ZNF469: variants seen among roughly 807,000 people sequenced by gnomAD.
ZNF469 encodes the protein zinc finger protein 469.
A neutral mutation model predicts 1.0 loss-of-function variants in ZNF469; 1 was observed. The observed-to-expected ratio is 1.00, with a 90% confidence interval of 0.35 to 4.73. ZNF469 has a LOEUF of 4.73. Among genes scored for constraint, ZNF469 ranks in the 30% most tolerant of loss-of-function variants. The probability of loss-of-function intolerance (pLI) is 0.16; values close to 1 mark genes in which losing one functional copy is unlikely to be tolerated. For synonymous variants in ZNF469, 2,703 were observed against 2,363.4 expected (o/e 1.14, Z -4.17); for missense variants, 6,100 against 5,356.3 (o/e 1.14, Z -4.33).
the ZNF469 span, among the ~76,000 whole-genome samples, chr16:88,116,496 AC>A: frequency 1.3e-5 from 2 of 152,066 alleles, no homozygotes; most frequent in South Asian, 4.1e-4. Flanking sequence ...CCACAATGAC[AC>A]TCTTGGGGCG....
At chr16:88,189,686 G>A in the ZNF469 span, among the ~76,000 whole-genome samples, 45 of 152,342 alleles carry the variant, frequency 3.0e-4, no homozygotes, top group African/African-American at 9.1e-4. The surrounding 1 kb of genome is among the most constrained non-coding windows in gnomAD (Gnocchi z 4.3). Context: ...TTGGGAGGCC[G>A]AGGTGGGTGG....
intron 1 of ZNF469, among the ~76,000 whole-genome samples, chr16:88,390,621 G>A (rs1366618085): frequency 2.6e-5 from 4 of 152,320 alleles, no homozygotes; most frequent in South Asian, 2.1e-4. Flanking sequence ...AAGCAGGGAC[G>A]GCCACAGTGC....
chr16:88,101,488 A>G, the ZNF469 span, among the ~76,000 whole-genome samples: 2 of 151,054 alleles, frequency 1.3e-5, no homozygotes, highest in South Asian at 2.1e-4. Flanking sequence ...GGGTTGGGAT[A>G]TGCTGTGGAC....
chr16:88,380,337 A>G (rs2092517990), upstream of ZNF469, among the ~76,000 whole-genome samples: 1 of 66,260 alleles, frequency 1.5e-5, no homozygotes, highest in South Asian at 6.1e-4. Flanking sequence ...GCACTCACAC[A>G]TGCGCTCACA....
At chr16:88,354,942 G>A in the ZNF469 span, among the ~76,000 whole-genome samples, 1 of 152,196 alleles carries the variant, frequency 6.6e-6, no homozygotes, top group Non-Finnish European at 1.5e-5. Context: ...GGGGCAGGGG[G>A]CTGAGAAGAG....
Position 88,424,988 on chromosome 16 carries a change from C to T in ZNF469, c.-127+117C>T, listed in dbSNP as rs925827732. Among the ~76,000 whole-genome samples the T allele has an allele frequency of 1.5e-4, 23 of 152,192 alleles. No individual in the cohort carries two copies. Among genetic ancestry groups the T allele is most frequent in the African/African-American group, 4.3e-4 (18 of 41,524 alleles). On this transcript the variant is annotated intron_variant, in intron 2 of 2. Coordinates refer to ENST00000565624, the MANE Select transcript of ZNF469 (RefSeq NM_001367624.2). The surrounding 1 kb of genome is among the most constrained non-coding windows in gnomAD (Gnocchi z 4.3). ...TTCCTCTCCCTCTCAGGACAGTAACCGGGCCTGCCTACTGCCTCCCGAGAG... is the reference window on the plus strand; with the variant it reads ...TTCCTCTCCCTCTCAGGACAGTAACTGGGCCTGCCTACTGCCTCCCGAGAG...
Position 88,438,162 on chromosome 16 carries a change from T to G in ZNF469, c.10692T>G (p.Asp3564Glu). The G allele has an allele frequency of 6.5e-7, 1 of 1,550,094 alleles. No individual in the cohort carries two copies. The highest frequency in any genetic ancestry group is 1.4e-5 in the African/African-American group (1 of 73,172). ...CTCCCTTCCCAGCTGCCTTGGCTGA[T>G]GGCAGAGGAGACTGCGCGCTGGACG... The part of the protein sequence containing the change: ...SLSPFPAALA[D>E]GRGDCALDGA... Residue 3564 changes from aspartate (D) to glutamate (E), a missense_variant, in exon 3 of 3, where the codon GAT (aspartate) becomes GAG (glutamate). By Grantham distance (45) the Asp-to-Glu change is conservative (BLOSUM62 2). Coordinates refer to ENST00000565624, the MANE Select transcript of ZNF469 (RefSeq NM_001367624.2).
rs758477114 is a variant in ZNF469, at chr16:88,429,876, C to T, written c.2406C>T (p.Asp802=). 4.5e-6 allele frequency: 7 copies of T among 1,550,038 alleles called. No individual in the cohort carries two copies. In the Admixed American group the frequency reaches 5.9e-5, roughly 13 times the overall value. The change falls in exon 3 of 3, where the codon GAC becomes GAT. Residue 802 remains aspartate (D), a synonymous_variant. Transcript: ENST00000565624. ...CGAAGACCTTCCTGTTAGCTGGGGA[C>T]GCCCAGGCCGAGGGCAAAGACGACC... The part of the protein sequence containing the change: ...SHAKTFLLAG[D]AQAEGKDDPL...
At chr16:88,420,866 C>T (rs565983095) in intron 1 of ZNF469, among the ~76,000 whole-genome samples, 110 of 152,296 alleles carry the variant, frequency 7.2e-4, no homozygotes, top group African/African-American at 2.5e-3. Context: ...TCAAGGAGTG[C>T]GGGATCTGAG....
At chr16:88,103,474 A>T in the ZNF469 span, among the ~76,000 whole-genome samples, 45 of 152,234 alleles carry the variant, frequency 3.0e-4, no homozygotes, top group African/African-American at 1.1e-3. Flanking sequence ...CGGCGTGAAG[A>T]CCCGGTGCTG....
the ZNF469 span, among the ~76,000 whole-genome samples, chr16:88,284,968 A>G: frequency 3.3e-5 from 5 of 152,244 alleles, no homozygotes; most frequent in Non-Finnish European, 5.9e-5. Context: ...TTATTTCCCA[A>G]CAGAGATCAT....
the ZNF469 span, among the ~76,000 whole-genome samples, chr16:88,309,481 G>A: frequency 6.5e-5 from 9 of 138,884 alleles, no homozygotes; most frequent in Non-Finnish European, 1.2e-4. Context: ...GTCCCCTCTC[G>A]GTGTTCAGGA....
the ZNF469 span, among the ~76,000 whole-genome samples, chr16:88,316,246 G>T: frequency 6.6e-6 from 1 of 152,228 alleles, no homozygotes; most frequent in Non-Finnish European, 1.5e-5. Flanking sequence ...GAATCTGGAC[G>T]TACCTTTTAT....
At chr16:88,371,426 C>T in the ZNF469 span, among the ~76,000 whole-genome samples, 1 of 152,220 alleles carries the variant, frequency 6.6e-6, no homozygotes, top group African/African-American at 2.4e-5. Flanking sequence ...GTCCCCAGTT[C>T]AGTCCTCATA....
the ZNF469 span, among the ~76,000 whole-genome samples, chr16:88,205,871 C>CCAAAGAAAGTCGGCCT: frequency 6.6e-6 from 1 of 152,240 alleles, no homozygotes; most frequent in South Asian, 2.1e-4. The surrounding 1 kb of genome is among the most constrained non-coding windows in gnomAD (Gnocchi z 4.2). Context: ...ATTCTGAAAA[C>CCAAAGAAAGTCGGCCT]CAAAGAAAGT....
intron 1 of ZNF469, among the ~76,000 whole-genome samples, chr16:88,384,626 T>C (rs2092533320): frequency 6.6e-6 from 1 of 152,068 alleles, no homozygotes; most frequent in Non-Finnish European, 1.5e-5. Flanking sequence ...AGGAAGAGGA[T>C]ATCTGAGGCA....
At chr16:88,265,942 C>T in the ZNF469 span, among the ~76,000 whole-genome samples, 1 of 152,200 alleles carries the variant, frequency 6.6e-6, no homozygotes, top group Non-Finnish European at 1.5e-5. Flanking sequence ...GACAGAGGCC[C>T]AGAGGGGGTG....
At chr16:88,106,917 C>T in the ZNF469 span, among the ~76,000 whole-genome samples, 6 of 152,356 alleles carry the variant, frequency 3.9e-5, no homozygotes, top group African/African-American at 1.2e-4. Flanking sequence ...GGGTGATTTT[C>T]GGTAGAAACA....
chr16:88,421,449 G>A (rs569697346), intron 1 of ZNF469, among the ~76,000 whole-genome samples: 4 of 152,336 alleles, frequency 2.6e-5, no homozygotes, highest in African/African-American at 4.8e-5. Context: ...GAGCCTTGGC[G>A]GGGCCAGAAC....
Sources: allele counts gnomAD v4.1 joint callset (sites outside exome capture counted in the v4.1 genomes callset), GRCh38; gene constraint gnomAD v4.1.1; non-coding constraint Gnocchi (gnomAD v3.1); transcripts MANE v1.5; gene names NCBI Gene and HGNC (gene_info 2026-07-23, HGNC 2026-07-21).